The following MTMR10 variants were observed in gnomAD, a reference collection of about 807,000 sequenced individuals.
MTMR10 encodes the protein myotubularin related protein 10, also known as myotubularin-related protein 10.
A neutral mutation model predicts 88.1 loss-of-function variants in MTMR10; 56 were observed. The ratio of observed to expected loss-of-function variants is 0.64; its 90% CI spans 0.51 to 0.79. The LOEUF (loss-of-function observed/expected upper bound fraction) is 0.79. Ranked by LOEUF, MTMR10 falls within the 30% of genes least tolerant of loss-of-function variation. MTMR10 has a pLI of 0.00. For synonymous variants in MTMR10, 380 were observed against 340.9 expected (o/e 1.11, Z -1.26); for missense variants, 883 against 924.7 (o/e 0.95, Z 0.58).
chr15:30,988,927 T>C (rs530140724), intron 2 of MTMR10, among the ~76,000 whole-genome samples: 7 of 148,376 alleles, frequency 4.7e-5, no homozygotes, highest in Non-Finnish European at 7.4e-5. Flanking sequence ...GAGGCAGAGG[T>C]TGCAGTGAGC....
chr15:30,952,838 G>C (rs2063269250), intron 11 of MTMR10, among the ~76,000 whole-genome samples: 1 of 152,006 alleles, frequency 6.6e-6, no homozygotes, highest in South Asian at 2.1e-4. Context: ...CACCCAGGCT[G>C]CAGTGCAGTG....
chr15:30,924,995 A>G, the MTMR10 span: 5 of 878,804 alleles, frequency 5.7e-6, no homozygotes, highest in Non-Finnish European at 8.6e-6. Context: ...CTAAATCTCT[A>G]GAAGTGCTGT....
Position 30,941,062 on chromosome 15 carries a change from G to C in MTMR10, c.*408C>G. 1.7e-6 allele frequency: 2 copies of C among 1,197,722 alleles called. No homozygotes were observed. The highest frequency in any genetic ancestry group is 2.1e-6 in the Non-Finnish European group (2 of 948,788). 74.2% of individuals were successfully genotyped at this position (1,197,722 alleles called of 1,614,324 possible). On this transcript the variant is annotated 3_prime_UTR_variant, in exon 16 of 16. Coordinates refer to ENST00000435680, the MANE Select transcript of MTMR10 (RefSeq NM_017762.3). Reference sequence around the variant, plus strand: ...AATACATGAATACTTCCTAAAACCTGCTGGAGGTTTTATCAGATGCTCCTA... The same window carrying C: ...AATACATGAATACTTCCTAAAACCTCCTGGAGGTTTTATCAGATGCTCCTA...
At chr15:30,950,629 C>T (rs923580368) in intron 12 of MTMR10, among the ~76,000 whole-genome samples, 2 of 151,026 alleles carry the variant, frequency 1.3e-5, no homozygotes, top group Non-Finnish European at 1.5e-5. Context: ...GAGATCGTTC[C>T]ACTGCACTCC....
chr15:30,943,677 TC>T, intron 14 of MTMR10: 1 of 985,234 alleles, frequency 1.0e-6, no homozygotes, highest in African/African-American at 1.7e-5. Flanking sequence ...TTCACAGGAG[TC>T]CACCTCTAGC....
intron 2 of MTMR10, among the ~76,000 whole-genome samples, chr15:30,984,562 G>A (rs187106766): frequency 3.9e-5 from 6 of 152,244 alleles, no homozygotes; most frequent in East Asian, 1.9e-4. Context: ...GAAATAAGAC[G>A]TATGGTGAGA....
At chr15:30,958,051 G>T (rs1417512406) in intron 9 of MTMR10, among the ~76,000 whole-genome samples, 5 of 152,224 alleles carry the variant, frequency 3.3e-5, no homozygotes, top group African/African-American at 1.2e-4. Context: ...AGCAGGCTGG[G>T]GGAGGGCATG....
intron 5 of MTMR10, among the ~76,000 whole-genome samples, chr15:30,970,457 C>G (rs1247742482): frequency 6.6e-6 from 1 of 152,110 alleles, no homozygotes; most frequent in Non-Finnish European, 1.5e-5. Context: ...GAGTAAAGAT[C>G]TGAAGATGTC....
In MTMR10 at chr15:30,942,101, G is replaced by A. The variant is rs367938322; in HGVS notation, c.1732-29C>T. On this transcript the variant is annotated intron_variant, in intron 15 of 15. Coordinates refer to ENST00000435680, the MANE Select transcript of MTMR10 (RefSeq NM_017762.3). ...TACAGAAGAGATTTTATTATGTTCC[G>A]GGGATTCCCTTTTTAGAAAGATTGA... is the stretch of plus-strand genomic sequence containing the variant. The A allele has an allele frequency of 5.0e-5, 79 of 1,578,778 alleles. 1 individual carries two copies. The Middle Eastern group carries it at 1.2e-3, about 24-fold the overall frequency.
the MTMR10 span, chr15:30,927,255 TC>T: frequency 1.0e-6 from 1 of 985,454 alleles, no homozygotes; most frequent in South Asian, 4.7e-5. Context: ...GCCTTTATAT[TC>T]CTGCCTGATC....
chr15:30,938,156 C>G (rs542205909), downstream of MTMR10, among the ~76,000 whole-genome samples: 1 of 151,702 alleles, frequency 6.6e-6, no homozygotes, highest in South Asian at 2.1e-4. Flanking sequence ...TGCACTCCAG[C>G]CTGGGAGACA....
intron 6 of MTMR10, 123 bp downstream of exon 6, chr15:30,967,797 T>C (rs1227460096): frequency 1.4e-6 from 1 of 740,430 alleles, no homozygotes; most frequent in African/African-American, 1.8e-5. Flanking sequence ...CTTACTTCTC[T>C]AAGGTATGAA....
At chr15:30,978,236 A>G (rs2030303242) in intron 2 of MTMR10, among the ~76,000 whole-genome samples, 1 of 152,188 alleles carries the variant, frequency 6.6e-6, no homozygotes. Flanking sequence ...AGCTACAATT[A>G]TATTTATATA....
downstream of MTMR10, chr15:30,938,911 C>G (rs1489151180): frequency 1.0e-6 from 1 of 984,856 alleles, no homozygotes; most frequent in Non-Finnish European, 1.2e-6. Context: ...TCACTGTGTT[C>G]CAGTAGATGA....
chr15:30,953,281 G>A (rs1001283864), intron 11 of MTMR10, among the ~76,000 whole-genome samples: 1 of 152,194 alleles, frequency 6.6e-6, no homozygotes, highest in African/African-American at 2.4e-5. Context: ...TCTCCCTGTG[G>A]TGGTGGTTAC....
chr15:30,943,647 T>G lies in MTMR10; in HGVS notation c.1549-575A>C, dbSNP rs996348075. ...CATGTGGCTAAAACCATGGAGACCA[T>G]GTACACAGGAGACCCCTCCTTCACA... On this transcript the variant is annotated intron_variant, in intron 14 of 15. Coordinates refer to ENST00000435680, the MANE Select transcript of MTMR10 (RefSeq NM_017762.3). The G allele has an allele frequency of 5.1e-6, 5 of 985,286 alleles. No homozygotes were observed. The African/African-American group carries it at 8.7e-5, about 17-fold the overall frequency. 61.0% of individuals were successfully genotyped at this position (985,286 alleles called of 1,614,324 possible).
chr15:30,958,917 A>G lies in MTMR10; in HGVS notation c.881T>C (p.Leu294Pro). 1 of 1,614,000 alleles carries G rather than the reference A, an allele frequency of 6.2e-7. No individual in the cohort carries two copies. Among genetic ancestry groups the G allele is most frequent in the Non-Finnish European group, 8.5e-7 (1 of 1,179,874 alleles). Residue 294 changes from leucine to proline, a missense_variant, in exon 9 of 16, where the codon CTT becomes CCT. By Grantham distance (98) the Leu-to-Pro change is moderately conservative. Coordinates refer to ENST00000435680, the MANE Select transcript of MTMR10 (RefSeq NM_017762.3). Reference sequence around the variant, plus strand: ...GTCTTTGATGAGGGCCATTCGCACAAGAGCACTGCCGTTAGAGTGGCTCCA... The same window carrying G: ...GTCTTTGATGAGGGCCATTCGCACAGGAGCACTGCCGTTAGAGTGGCTCCA... ...WCWSHSNGSA[L>P]VRMALIKDVL...
intron 2 of MTMR10, among the ~76,000 whole-genome samples, chr15:30,990,045 T>C (rs1246531907): frequency 6.6e-6 from 1 of 152,078 alleles, no homozygotes. Context: ...CTACCACCAA[T>C]CCCTACTTCC....
At chr15:30,928,134 G>T in the MTMR10 span, 2 of 1,008,450 alleles carry the variant, frequency 2.0e-6, no homozygotes, top group Non-Finnish European at 2.4e-6. Flanking sequence ...CATTTCTTCA[G>T]GGGTGGCCCA....
Sources: gnomAD v4.1 joint callset for allele counts (sites outside exome capture counted in the v4.1 genomes callset) on GRCh38, gnomAD v4.1.1 for gene constraint, MANE v1.5 for transcripts, NCBI Gene and HGNC (gene_info 2026-07-23, HGNC 2026-07-21) for gene names.